The following TSEN15 variants were observed in gnomAD, a reference collection of about 807,000 sequenced individuals.
TSEN15 encodes the protein tRNA-splicing endonuclease subunit Sen15.
Under a neutral mutation model 20.5 loss-of-function variants are expected in TSEN15, and 10 were observed. The ratio of observed to expected loss-of-function variants is 0.49; its 90% confidence interval spans 0.30 to 0.83. TSEN15 has a LOEUF of 0.83. TSEN15 is among the 40% of genes least tolerant of loss of function. TSEN15 has a pLI of 0.06. For synonymous variants in TSEN15, 72 were observed against 80.1 expected (o/e 0.90, Z 0.54); for missense variants, 180 against 218.6 (o/e 0.82, Z 1.11).
intron 3 of TSEN15, among the ~76,000 whole-genome samples, chr1:184,059,534 A>T (rs368050499): frequency 6.6e-6 from 1 of 152,140 alleles, no homozygotes; most frequent in East Asian, 1.9e-4. Context: ...CTCATGTATG[A>T]GAGTTTTCCT....
chr1:184,075,624 C>T (rs532749016), downstream of TSEN15, among the ~76,000 whole-genome samples: 3 of 152,142 alleles, frequency 2.0e-5, no homozygotes, highest in East Asian at 5.8e-4. Flanking sequence ...CCAGAGGGCA[C>T]TGCTAGATAA....
chr1:184,085,665 A>G (rs1651250112), intron 3 of TSEN15, among the ~76,000 whole-genome samples: 1 of 152,244 alleles, frequency 6.6e-6, no homozygotes, highest in South Asian at 2.1e-4. Flanking sequence ...CCTTGCGGGC[A>G]AAGGGAACAG....
In TSEN15 at chr1:184,051,812, C is replaced by G; in HGVS notation, c.57C>G (p.Gly19=). 6.5e-7 allele frequency: 1 copy of G among 1,541,714 alleles called. No individual in the cohort carries two copies. The highest frequency in any genetic ancestry group is 8.7e-7 in the Non-Finnish European group (1 of 1,144,142). The change falls in exon 1 of 5, where the codon GGC becomes GGG. Residue 19 remains glycine (G), a synonymous_variant. Transcript: ENST00000645668. The stretch of plus-strand genomic sequence containing the variant: ...CCGGCTGCAGCGGCCTGGGTCCGGG[C>G]GGTGTTCGCGGCTTTGGCGACGGCG... ...PTPGCSGLGP[G]GVRGFGDGGG... is the part of the protein sequence containing the mutation.
chr1:184,056,069 A>G (rs1650241405), intron 3 of TSEN15, among the ~76,000 whole-genome samples: 1 of 152,176 alleles, frequency 6.6e-6, no homozygotes, highest in Non-Finnish European at 1.5e-5. Context: ...GAGCTGCCAC[A>G]TAACATTCCA....
intron 3 of TSEN15, among the ~76,000 whole-genome samples, chr1:184,065,237 A>T (rs1650609554): frequency 6.6e-6 from 1 of 152,152 alleles, no homozygotes; most frequent in South Asian, 2.1e-4. Context: ...AGATTTACAG[A>T]AAAAATTGAG....
chr1:184,063,791 T>C (rs1004648560), intron 3 of TSEN15, among the ~76,000 whole-genome samples: 10 of 152,142 alleles, frequency 6.6e-5, no homozygotes, highest in African/African-American at 2.4e-4. Flanking sequence ...CCATTGCCTT[T>C]GTGTTTTCAT....
At chr1:184,095,775 A>G in exon 4 of TSEN15, 1 of 398,458 alleles carries the variant, frequency 2.5e-6, no homozygotes, top group Admixed American at 4.4e-5. Flanking sequence ...CAGAGATGGA[A>G]TGTTCCTGCA....
intron 3 of TSEN15, among the ~76,000 whole-genome samples, chr1:184,091,885 A>C (rs1296788685): frequency 6.6e-6 from 1 of 152,216 alleles, no homozygotes; most frequent in Non-Finnish European, 1.5e-5. Context: ...GTTAGTGTTA[A>C]TTGTCCTGGT....
chr1:184,065,983 C>A (rs1003294388), intron 3 of TSEN15, among the ~76,000 whole-genome samples: 1 of 152,122 alleles, frequency 6.6e-6, no homozygotes, highest in East Asian at 1.9e-4. Flanking sequence ...TTTTGCAGAA[C>A]AGAAGTTTTA....
intron 3 of TSEN15, among the ~76,000 whole-genome samples, chr1:184,093,312 T>C (rs1288188116): frequency 6.6e-6 from 1 of 152,156 alleles, no homozygotes; most frequent in Non-Finnish European, 1.5e-5. Context: ...ATAATCATGG[T>C]CAGCAACATA....
intron 1 of TSEN15, among the ~76,000 whole-genome samples, chr1:184,053,682 C>A (rs1298077899): frequency 1.3e-5 from 2 of 152,142 alleles, no homozygotes; most frequent in Non-Finnish European, 2.9e-5. Flanking sequence ...GAAAAGTATT[C>A]CCCTTATGCT....
At chr1:184,056,729 C>T (rs1650262299) in intron 3 of TSEN15, among the ~76,000 whole-genome samples, 1 of 152,120 alleles carries the variant, frequency 6.6e-6, no homozygotes, top group Non-Finnish European at 1.5e-5. Context: ...CCTCCATTTA[C>T]TGAATAGTCC....
At chr1:184,092,347 T>A (rs1375071277) in intron 3 of TSEN15, among the ~76,000 whole-genome samples, 1 of 152,234 alleles carries the variant, frequency 6.6e-6, no homozygotes, top group African/African-American at 2.4e-5. Context: ...GATACCATGC[T>A]AGCATCTACA....
At chr1:184,090,016 C>G (rs1187687899) in intron 3 of TSEN15, among the ~76,000 whole-genome samples, 1 of 152,174 alleles carries the variant, frequency 6.6e-6, no homozygotes, top group African/African-American at 2.4e-5. Flanking sequence ...ACACAAAGAC[C>G]TGTACATGAG....
chr1:184,091,972 G>A (rs889765389), intron 3 of TSEN15, among the ~76,000 whole-genome samples: 1 of 152,164 alleles, frequency 6.6e-6, no homozygotes, highest in Admixed American at 6.5e-5. Context: ...CTCAGCAGTT[G>A]GATGGTGGGT....
At chr1:184,096,857 C>G (rs1394238834) in exon 4 of TSEN15, 1 of 152,168 alleles carries the variant, frequency 6.6e-6, no homozygotes, top group Non-Finnish European at 1.5e-5. Flanking sequence ...GAAAGACCTG[C>G]CCCCATGATT....
Position 184,070,974 on chromosome 1 carries a change from A to G in TSEN15, c.354-1183A>G, listed in dbSNP as rs150614015. 7.0e-4 allele frequency: 112 copies of G among 158,990 alleles called. 2 individuals carry two copies. In the East Asian group the frequency reaches 0.017, roughly 24 times the overall value. The allele number at this position is 158,990 out of a possible 1,614,324, so 9.8% of individuals were successfully genotyped here. A position where few individuals can be genotyped will look rare whatever the true frequency, so the allele number is the denominator to read the frequency against. On this transcript the variant is annotated intron_variant, in intron 3 of 4. Coordinates refer to ENST00000645668, the MANE Select transcript of TSEN15 (RefSeq NM_052965.4). ...TTTGGGTTAGTATTCAGTTTTAGCA[A>G]TAATCATGGAGGCAGGGGTATCTAT...
intron 3 of TSEN15, among the ~76,000 whole-genome samples, chr1:184,091,184 A>G (rs1651349895): frequency 6.6e-6 from 1 of 152,116 alleles, no homozygotes; most frequent in Admixed American, 6.6e-5. Flanking sequence ...AAGCACATGT[A>G]TCTCTTGTTC....
Position 184,073,263 on chromosome 1 carries a change from C to T in TSEN15, c.*416C>T, listed in dbSNP as rs189741136. On this transcript the variant is annotated 3_prime_UTR_variant, in exon 5 of 5. Transcript: ENST00000645668. ...AGTGCCTTTTGGCCACTGCAGCTAC[C>T]GTAGAATGGCATTTTATATGTACCT... 1.2e-4 allele frequency: 20 copies of T among 161,772 alleles called. No homozygotes were observed. The highest frequency in any genetic ancestry group is 3.8e-4 in the African/African-American group (16 of 41,988). The allele number at this position is 161,772 out of a possible 1,614,324, so 10.0% of individuals were successfully genotyped here. A position where few individuals can be genotyped will look rare whatever the true frequency, so the allele number is the denominator to read the frequency against.
Sources: allele counts gnomAD v4.1 joint callset (sites outside exome capture counted in the v4.1 genomes callset), GRCh38; gene constraint gnomAD v4.1.1; transcripts MANE v1.5; gene names NCBI Gene and HGNC (gene_info 2026-07-23, HGNC 2026-07-21).